Variants in CEP70 observed in about 807,000 individuals in gnomAD.
CEP70 encodes the protein centrosomal protein of 70 kDa.
A neutral mutation model predicts 90.9 loss-of-function variants in CEP70; 70 were observed. That is an observed-to-expected ratio of 0.77 (90% confidence interval 0.64 to 0.94). The LOEUF (loss-of-function observed/expected upper bound fraction) is 0.94, where lower values mean the gene tolerates loss of function less well. CEP70 is among the 40% of genes least tolerant of loss of function. CEP70 has a pLI of 0.00. For missense variants in CEP70, 648 were observed against 669.0 expected (o/e 0.97, Z 0.35); for synonymous variants, 220 against 228.3 (o/e 0.96, Z 0.33).
chr3:138,504,004 T>G (rs1341433235), intron 13 of CEP70, among the ~76,000 whole-genome samples: 4 of 152,360 alleles, frequency 2.6e-5, no homozygotes, highest in Non-Finnish European at 5.9e-5. Flanking sequence ...TCCATTAGTG[T>G]GATTCTTCCC....
intron 8 of CEP70, chr3:138,530,979 A>G (rs1374755557): frequency 8.1e-6 from 2 of 247,954 alleles, no homozygotes; most frequent in Admixed American, 6.5e-5. Flanking sequence ...AAATTTTCTC[A>G]TTTGTAGAAT....
chr3:138,512,251 T>A (rs2035601828), intron 11 of CEP70, among the ~76,000 whole-genome samples: 1 of 152,194 alleles, frequency 6.6e-6, no homozygotes, highest in African/African-American at 2.4e-5. Context: ...CCCAGGGTAC[T>A]GCTGCTCATT....
At position 138,544,533 on chromosome 3, in the gene CEP70, A is replaced by T. The variant is rs538344322; in HGVS notation, c.466-7186T>A. Among the ~76,000 whole-genome samples, 5 of 150,706 alleles carry T rather than the reference A, an allele frequency of 3.3e-5. No individual in the cohort carries two copies. The East Asian group carries it at 9.7e-4, about 29-fold the overall frequency. ...TGTGTATGTATGTATGTATGTATGT[A>T]TGTATGTGTGTGTGTGTGTATATAT... On this transcript the variant is annotated intron_variant, in intron 6 of 17. Transcript: ENST00000264982.
chr3:138,495,139 A>G, intron 17 of CEP70, 63 bp from the exon 18 acceptor site: 1 of 983,884 alleles, frequency 1.0e-6, no homozygotes. Flanking sequence ...ACTCACATGA[A>G]ACAAGAACCT....
intron 11 of CEP70, among the ~76,000 whole-genome samples, chr3:138,516,616 A>G (rs35876758): frequency 0.071 from 10,813 of 152,014 alleles, 784 homozygotes; most frequent in East Asian, 0.38. Context: ...AAACTCCTGG[A>G]CTCAAGCAAT....
intron 11 of CEP70, among the ~76,000 whole-genome samples, chr3:138,524,509 C>T (rs1411442070): frequency 6.6e-6 from 1 of 152,122 alleles, no homozygotes; most frequent in Non-Finnish European, 1.5e-5. Flanking sequence ...TTGCAATCTA[C>T]TCATCTGACA....
At chr3:138,588,811 C>A (rs76418574) in intron 2 of CEP70, among the ~76,000 whole-genome samples, 7,306 of 152,220 alleles carry the variant, frequency 0.048, 565 homozygotes, top group African/African-American at 0.16. Flanking sequence ...TCTATAATAG[C>A]CAGAAACTGG....
At chr3:138,593,632 C>T (rs1250192217) in intron 1 of CEP70, 1 of 152,152 alleles carries the variant, frequency 6.6e-6, no homozygotes, top group Non-Finnish European at 1.5e-5. Context: ...TTGAAAAACT[C>T]CTATTAGGCC....
At chr3:138,525,745 A>G (rs887468321) in intron 10 of CEP70, among the ~76,000 whole-genome samples, 181 bp from the exon 11 acceptor site, 5 of 152,156 alleles carry the variant, frequency 3.3e-5, no homozygotes, top group African/African-American at 9.7e-5. Context: ...TCTTCTCTGT[A>G]ATCCCTTATT....
At chr3:138,588,131 C>G (rs2042198343) in intron 2 of CEP70, among the ~76,000 whole-genome samples, 1 of 151,912 alleles carries the variant, frequency 6.6e-6, no homozygotes, top group Non-Finnish European at 1.5e-5. Flanking sequence ...AAATCTAAAA[C>G]TTAAAATCAC....
chr3:138,537,034 G>A, intron 7 of CEP70, 144 bp downstream of exon 7: 2 of 463,442 alleles, frequency 4.3e-6, no homozygotes, highest in Non-Finnish European at 7.3e-6. Context: ...AGGATGAGCA[G>A]GGAAAAACAA....
chr3:138,573,904 T>G (rs967883689), intron 2 of CEP70, among the ~76,000 whole-genome samples: 1 of 152,132 alleles, frequency 6.6e-6, no homozygotes, highest in African/African-American at 2.4e-5. Flanking sequence ...CAGAAGTATA[T>G]AATTTTCTAA....
intron 17 of CEP70, chr3:138,495,895 C>T (rs143931900): frequency 8.1e-6 from 8 of 985,314 alleles, no homozygotes; most frequent in Middle Eastern, 5.2e-4. Context: ...ATAGCCTCAT[C>T]GAGTGTACAA....
At chr3:138,495,247 C>T (rs981092510) in intron 17 of CEP70, among the ~76,000 whole-genome samples, 171 bp from the exon 18 acceptor site, 2 of 152,192 alleles carry the variant, frequency 1.3e-5, no homozygotes, top group African/African-American at 2.4e-5. Flanking sequence ...ATCACTGATT[C>T]GGATACAGAT....
At chr3:138,519,057 C>T (rs533232717) in intron 11 of CEP70, among the ~76,000 whole-genome samples, 13 of 152,090 alleles carry the variant, frequency 8.5e-5, no homozygotes, top group South Asian at 2.1e-4. Context: ...GTAGCCGATT[C>T]GATCAACTGG....
At chr3:138,504,853 T>C (rs2034835846) in intron 13 of CEP70, among the ~76,000 whole-genome samples, 1 of 151,616 alleles carries the variant, frequency 6.6e-6, no homozygotes, top group Admixed American at 6.6e-5. Context: ...GAAAATAAAG[T>C]GTGAAGAGAG....
rs142116029 is a variant in CEP70 at position 138,520,827 on chromosome 3, C to T, written c.944+4663G>A. On this transcript the variant is annotated intron_variant, in intron 11 of 17. Transcript: ENST00000264982. The stretch of plus-strand genomic sequence containing the variant: ...ACGGTCTCCCCCTCTCCCTCGTCTC[C>T]GTCTCCCACTTGGCCACAGTCTCCC... Among the ~76,000 whole-genome samples, 657 of 152,042 alleles carry T rather than the reference C, an allele frequency of 4.3e-3. 4 individuals are homozygous for T. The highest frequency in any genetic ancestry group is 0.015 in the African/African-American group (631 of 41,394).
chr3:138,516,921 T>C (rs1019111430), intron 11 of CEP70, among the ~76,000 whole-genome samples: 6 of 152,220 alleles, frequency 3.9e-5, no homozygotes, highest in African/African-American at 7.2e-5. Flanking sequence ...AGAGTACACA[T>C]AGATAATCTT....
chr3:138,551,934 C>T (rs1405857255), intron 6 of CEP70, among the ~76,000 whole-genome samples: 3 of 152,162 alleles, frequency 2.0e-5, no homozygotes, highest in Non-Finnish European at 1.5e-5. Context: ...AGACACTCAA[C>T]TAACATATAA....
Sources: allele counts gnomAD v4.1 joint callset (sites outside exome capture counted in the v4.1 genomes callset), GRCh38; gene constraint gnomAD v4.1.1; transcripts MANE v1.5; gene names NCBI Gene and HGNC (gene_info 2026-07-23, HGNC 2026-07-21).